HS3ST4: variants seen among roughly 807,000 people sequenced by gnomAD.
HS3ST4 encodes the protein heparan sulfate-glucosamine 3-sulfotransferase 4, also known as heparan sulfate glucosamine 3-O-sulfotransferase 4.
In HS3ST4, 17 loss-of-function variants were observed where a neutral mutation model predicts 29.2. The observed-to-expected ratio is 0.58, with a 90% CI of 0.40 to 0.87. HS3ST4 has a LOEUF of 0.87. HS3ST4 is among the 40% of genes least tolerant of loss of function. The pLI is 0.00. For synonymous variants in HS3ST4, 314 were observed against 285.7 expected (o/e 1.10, Z -1.00); for missense variants, 627 against 634.5 (o/e 0.99, Z 0.13).
At chr16:25,830,515 T>A (rs1967284374) in intron 1 of HS3ST4, among the ~76,000 whole-genome samples, 1 of 152,194 alleles carries the variant, frequency 6.6e-6, no homozygotes, top group African/African-American at 2.4e-5. Context: ...ACTACTTCTC[T>A]GAGTTTGTCC....
At position 25,811,162 on chromosome 16, in the gene HS3ST4, G is replaced by T. The variant is rs1005264869; in HGVS notation, c.734+118011G>T. 2.6e-5 allele frequency among the ~76,000 whole-genome samples: 4 copies of T among 152,054 alleles called. No homozygotes were observed. The South Asian group carries it at 8.3e-4, about 32-fold the overall frequency. ...CCTTAACAGCATGGGCTTGAAATGC[G>T]TGGGTTCACTTACATGTGGATTTTT... is the stretch of plus-strand genomic sequence containing the variant. On this transcript the variant is annotated intron_variant, in intron 1 of 1. Transcript: ENST00000331351.
Position 26,080,644 on chromosome 16 carries a change from G to A in HS3ST4, c.735-54968G>A, listed in dbSNP as rs552147968. ...GGAGACACAGTGGAGAATGTCTCAG[G>A]GCTACTCCAGCCAAGGGACAAGGGA... is the stretch of plus-strand genomic sequence containing the variant. On this transcript the variant is annotated intron_variant, in intron 1 of 1. Coordinates refer to ENST00000331351, the MANE Select transcript of HS3ST4 (RefSeq NM_006040.3). Among the ~76,000 whole-genome samples, 3 of 152,212 alleles carry A rather than the reference G, an allele frequency of 2.0e-5. No individual in the cohort carries two copies. The South Asian group carries it at 6.2e-4, about 32-fold the overall frequency.
intron 1 of HS3ST4, among the ~76,000 whole-genome samples, chr16:25,887,346 A>G (rs2141666885): frequency 6.6e-6 from 1 of 152,296 alleles, no homozygotes; most frequent in African/African-American, 2.4e-5. Context: ...TAAGACAGCT[A>G]TCCTGGTGGG....
intron 1 of HS3ST4, among the ~76,000 whole-genome samples, chr16:25,990,028 A>C (rs895796170): frequency 6.6e-6 from 1 of 152,188 alleles, no homozygotes; most frequent in Non-Finnish European, 1.5e-5. Flanking sequence ...GGAATCATAG[A>C]GTATATAGCA....
At chr16:26,101,273 C>T (rs930117299) in intron 1 of HS3ST4, among the ~76,000 whole-genome samples, 3 of 152,216 alleles carry the variant, frequency 2.0e-5, no homozygotes, top group Non-Finnish European at 4.4e-5. Context: ...TCTGGCTTTT[C>T]TTGGGGTTAG....
chr16:25,826,107 A>T (rs1218880387), intron 1 of HS3ST4: 1 of 152,202 alleles, frequency 6.6e-6, no homozygotes, highest in East Asian at 1.9e-4. Context: ...TATTCTCCAG[A>T]TGGCTTGTTT....
intron 1 of HS3ST4, among the ~76,000 whole-genome samples, chr16:25,776,067 T>C (rs1966847292): frequency 6.6e-6 from 1 of 152,210 alleles, no homozygotes; most frequent in Non-Finnish European, 1.5e-5. Flanking sequence ...AGTCTGGCCT[T>C]TGGTTGTCTT....
At chr16:25,829,380 A>G (rs1408162355) in intron 1 of HS3ST4, among the ~76,000 whole-genome samples, 4 of 152,234 alleles carry the variant, frequency 2.6e-5, no homozygotes, top group Admixed American at 2.0e-4. Flanking sequence ...AGAGAAGCCA[A>G]GAGTATTTAA....
intron 1 of HS3ST4, among the ~76,000 whole-genome samples, chr16:26,013,237 T>A (rs934258149): frequency 2.0e-5 from 3 of 151,798 alleles, no homozygotes; most frequent in Non-Finnish European, 4.4e-5. Flanking sequence ...GAACACATGG[T>A]GTGGCAGAGT....
intron 1 of HS3ST4, among the ~76,000 whole-genome samples, chr16:25,777,624 C>T (rs551806456): frequency 2.5e-4 from 38 of 152,128 alleles, no homozygotes; most frequent in African/African-American, 6.3e-4. Context: ...AAAAATTAGC[C>T]GGGCATGGTG....
chr16:25,786,070 T>C (rs1211222864), intron 1 of HS3ST4, among the ~76,000 whole-genome samples: 1 of 152,118 alleles, frequency 6.6e-6, no homozygotes, highest in Non-Finnish European at 1.5e-5. Context: ...ATATGAATAA[T>C]ACTGTTTCCT....
intron 1 of HS3ST4, among the ~76,000 whole-genome samples, chr16:25,843,197 C>A (rs7203172): frequency 1.3e-5 from 2 of 151,970 alleles, no homozygotes; most frequent in African/African-American, 2.4e-5. Context: ...TACTTTGGCT[C>A]AGTTGGGTAG....
At chr16:26,091,338 C>T (rs989988711) in intron 1 of HS3ST4, among the ~76,000 whole-genome samples, 15 of 152,118 alleles carry the variant, frequency 9.9e-5, no homozygotes, top group Non-Finnish European at 1.5e-5. Context: ...ATAGTGAAAA[C>T]ATGTAGCATA....
In HS3ST4 at chr16:25,725,904, A is replaced by G. The variant is rs75901906; in HGVS notation, c.734+32753A>G. Among the ~76,000 whole-genome samples the G allele has an allele frequency of 9.0e-3, 1,373 of 152,298 alleles. 28 individuals are homozygous for G. Among genetic ancestry groups the G allele is most frequent in the African/African-American group, 0.031 (1,304 of 41,580 alleles). The stretch of plus-strand genomic sequence containing the variant: ...TTGTCATAGTCTCATGCTTTTGAAT[A>G]TTCTATTACAACAGTGGCTTTCAAT... On this transcript the variant is annotated intron_variant, in intron 1 of 1. Coordinates refer to ENST00000331351, the MANE Select transcript of HS3ST4 (RefSeq NM_006040.3).
intron 1 of HS3ST4, among the ~76,000 whole-genome samples, chr16:25,811,436 C>CTT (rs57626965): frequency 1.3e-5 from 1 of 75,582 alleles, no homozygotes; most frequent in Non-Finnish European, 2.6e-5. Flanking sequence ...TTTTTTTTTT[C>CTT]TTTTTTTTTT....
At chr16:25,987,835 A>G (rs1322133036) in intron 1 of HS3ST4, among the ~76,000 whole-genome samples, 1 of 152,132 alleles carries the variant, frequency 6.6e-6, no homozygotes, top group Non-Finnish European at 1.5e-5. Context: ...CAGTGACACA[A>G]TCCCGGCTCA....
chr16:25,873,111 A>G (rs989672447), intron 1 of HS3ST4, among the ~76,000 whole-genome samples: 2 of 151,976 alleles, frequency 1.3e-5, no homozygotes, highest in African/African-American at 4.8e-5. Flanking sequence ...TCCCATGTAG[A>G]CCATTGCTTC....
intron 1 of HS3ST4, among the ~76,000 whole-genome samples, chr16:26,094,437 A>T (rs1328231040): frequency 6.6e-6 from 1 of 152,214 alleles, no homozygotes; most frequent in Non-Finnish European, 1.5e-5. Context: ...CCTACAAGCC[A>T]GAAGAGAGTG....
chr16:25,997,501 C>A (rs994768893), intron 1 of HS3ST4, among the ~76,000 whole-genome samples: 5 of 152,168 alleles, frequency 3.3e-5, no homozygotes, highest in African/African-American at 1.2e-4. Context: ...AAAGACTGAA[C>A]CAAGGCTCTC....
Sources: gnomAD v4.1 joint callset for allele counts (sites outside exome capture counted in the v4.1 genomes callset) on GRCh38, gnomAD v4.1.1 for gene constraint, MANE v1.5 for transcripts, NCBI Gene and HGNC (gene_info 2026-07-23, HGNC 2026-07-21) for gene names.